The following NAA16 variants were observed in gnomAD, a reference collection of about 807,000 sequenced individuals.
The protein encoded by NAA16 is N-alpha-acetyltransferase 16, NatA auxiliary subunit.
A neutral mutation model predicts 110.3 loss-of-function variants in NAA16; 97 were observed. The ratio of observed to expected loss-of-function variants is 0.88; its 90% CI spans 0.75 to 1.04. The LOEUF is 1.04. Among genes scored for constraint, NAA16 ranks in the 50% least tolerant of loss-of-function variants. The pLI is 0.00. For missense variants in NAA16, 1,017 were observed against 1,005.1 expected (o/e 1.01, Z -0.16); for synonymous variants, 372 against 330.6 (o/e 1.13, Z -1.36).
chr13:41,360,819 T>TA (rs1438895354), intron 12 of NAA16, among the ~76,000 whole-genome samples: 2 of 152,228 alleles, frequency 1.3e-5, no homozygotes, highest in Non-Finnish European at 2.9e-5. Context: ...AAGTTGCTGA[T>TA]ACATGTTGGA....
chr13:41,372,530 C>T, intron 16 of NAA16: 2 of 985,060 alleles, frequency 2.0e-6, no homozygotes, highest in Non-Finnish European at 2.4e-6. Context: ...AAATTGTCTA[C>T]CTGAAGCAAT....
chr13:41,340,227 T>C (rs2042499256), intron 9 of NAA16, among the ~76,000 whole-genome samples: 1 of 152,216 alleles, frequency 6.6e-6, no homozygotes, highest in African/African-American at 2.4e-5. Flanking sequence ...ATTGCCAGTC[T>C]TTGAGTGAGG....
rs2043391238 is a variant in NAA16 at position 41,374,572 on chromosome 13, A to G, written c.2300-170A>G. On this transcript the variant is annotated intron_variant, in intron 18 of 19. Transcript: ENST00000379406. ...GCCTATCAATGGGATGCTACTGAAT[A>G]GGAGGTAGGGAAGAAATGTCACACT... The G allele has an allele frequency of 2.3e-5, 12 of 528,434 alleles. No individual in the cohort carries two copies. The East Asian group carries it at 3.7e-4, about 16-fold the overall frequency. 32.7% of individuals were successfully genotyped at this position (528,434 alleles called of 1,614,324 possible). A position where few individuals can be genotyped will look rare whatever the true frequency, so the allele number is the denominator to read the frequency against.
At chr13:41,336,792 T>G (rs1365777157) in intron 9 of NAA16, 36 bp downstream of exon 9, 1 of 1,207,248 alleles carries the variant, frequency 8.3e-7, no homozygotes, top group East Asian at 2.4e-5. Flanking sequence ...TGCTATAGTC[T>G]TTTTTACTAA....
intron 13 of NAA16, among the ~76,000 whole-genome samples, chr13:41,364,583 A>AT (rs1329242618): frequency 2.6e-5 from 4 of 151,898 alleles, no homozygotes; most frequent in Non-Finnish European, 4.4e-5. Context: ...CTTTCTTTCC[A>AT]TTTTTTTCTT....
chr13:41,316,467 C>G (rs1024546186), intron 1 of NAA16, among the ~76,000 whole-genome samples: 1 of 151,950 alleles, frequency 6.6e-6, no homozygotes, highest in African/African-American at 2.4e-5. Context: ...CCACCACACC[C>G]AGCTAATTTT....
Position 41,325,857 on chromosome 13 carries a change from T to A in NAA16, c.691+6T>A, listed in dbSNP as rs1462028032. ...TTTGGTGGAAGAAATTAAAGGTAAGTTGGCTTGCCTTTTTTTAATAGCCTC... is the reference window on the plus strand; with the variant it reads ...TTTGGTGGAAGAAATTAAAGGTAAGATGGCTTGCCTTTTTTTAATAGCCTC... On this transcript the variant is annotated splice_donor_region_variant and intron_variant, in intron 6 of 19. Transcript: ENST00000379406. The A allele has an allele frequency of 6.3e-7, 1 of 1,591,674 alleles. No individual in the cohort carries two copies. The highest frequency in any genetic ancestry group is 1.4e-5 in the African/African-American group (1 of 73,670).
intron 9 of NAA16, 39 bp downstream of exon 9, chr13:41,336,795 T>C: frequency 8.6e-7 from 1 of 1,164,206 alleles, no homozygotes; most frequent in Non-Finnish European, 1.3e-6. Context: ...TATAGTCTTT[T>C]TTACTAAACT....
At chr13:41,366,144 C>T (rs1223475869) in intron 13 of NAA16, among the ~76,000 whole-genome samples, 1 of 152,066 alleles carries the variant, frequency 6.6e-6, no homozygotes, top group Non-Finnish European at 1.5e-5. Flanking sequence ...ATGCAGTTTT[C>T]AATTACAACA....
chr13:41,367,548 G>C lies in NAA16; in HGVS notation c.1649G>C (p.Arg550Thr), dbSNP rs2043231035. Reference protein sequence around the residue: ...DLLRLEDILRRHAFYFKAARS... With the variant: ...DLLRLEDILRTHAFYFKAARS... ...TTGAGATTAGAAGATATACTCAGAA[G>C]ACATGCCTTTTATTTCAAGGCTGCT... Residue 550 changes from arginine (R) to threonine (T), a missense_variant, in exon 14 of 20, where the codon AGA becomes ACA. Arg to Thr is a moderately conservative substitution (Grantham distance 71). Transcript: ENST00000379406. 1.2e-6 allele frequency: 2 copies of C among 1,613,204 alleles called. No homozygotes were observed. The highest frequency in any genetic ancestry group is 1.7e-6 in the Non-Finnish European group (2 of 1,179,510).
rs1372106412 is a variant in NAA16 at position 41,330,906 on chromosome 13, G to A, written c.812-368G>A. On this transcript the variant is annotated intron_variant, in intron 7 of 19. Transcript: ENST00000379406. Reference sequence around the variant, plus strand: ...GGTTTCTTTGATTCAGCGTGTTTACGTAGGTTATGTTATTAGACCTACGTT... The same window carrying A: ...GGTTTCTTTGATTCAGCGTGTTTACATAGGTTATGTTATTAGACCTACGTT... 4.6e-5 allele frequency among the ~76,000 whole-genome samples: 7 copies of A among 151,942 alleles called. No individual in the cohort carries two copies. The East Asian group carries it at 9.6e-4, about 21-fold the overall frequency.
chr13:41,344,661 A>G (rs1234619401), intron 9 of NAA16, among the ~76,000 whole-genome samples: 1 of 152,222 alleles, frequency 6.6e-6, no homozygotes, highest in African/African-American at 2.4e-5. Context: ...GCATTGTAGG[A>G]TGTTTAGCAA....
intron 9 of NAA16, among the ~76,000 whole-genome samples, chr13:41,342,345 C>T (rs2042574256): frequency 6.6e-6 from 1 of 152,096 alleles, no homozygotes; most frequent in South Asian, 2.1e-4. Flanking sequence ...CTCGTGTTGC[C>T]CAGGCTGGTC....
Position 41,358,856 on chromosome 13 carries a change from AG to A in NAA16, c.1305del (p.Gln435HisfsTer23). 1 of 1,611,134 alleles carries A rather than the reference AG, an allele frequency of 6.2e-7. No homozygotes were observed. On this transcript the variant is annotated frameshift_variant, in exon 12 of 20. Transcript: ENST00000379406. LOFTEE classifies it high-confidence loss of function. ...KEAAKWMDEA[Q>X]SLDTADRFIN... ...GCTGCAAAGTGGATGGATGAAGCAC[AG>A]TCTTTGGACACAGCTGATAGATTCA...
intron 16 of NAA16, 58 bp downstream of exon 16, chr13:41,372,369 G>C: frequency 6.0e-6 from 9 of 1,500,100 alleles, no homozygotes; most frequent in Non-Finnish European, 8.0e-6. Flanking sequence ...ACCATATTCA[G>C]TGTAATCTTT....
At chr13:41,319,215 T>G (rs1284201707) in intron 3 of NAA16, among the ~76,000 whole-genome samples, 1 of 152,180 alleles carries the variant, frequency 6.6e-6, no homozygotes, top group Non-Finnish European at 1.5e-5. Flanking sequence ...AAAAGTTACT[T>G]TGGTAATTGT....
At chr13:41,328,358 TTGTAG>T (rs1028767017) in intron 6 of NAA16, among the ~76,000 whole-genome samples, 2 of 152,132 alleles carry the variant, frequency 1.3e-5, no homozygotes, top group Admixed American at 1.3e-4. Flanking sequence ...TATTTAAATC[TTGTAG>T]TAGGAAGATA....
At chr13:41,360,823 T>C (rs1310133660) in intron 12 of NAA16, among the ~76,000 whole-genome samples, 1 of 152,242 alleles carries the variant, frequency 6.6e-6, no homozygotes, top group African/African-American at 2.4e-5. Flanking sequence ...TGCTGATACA[T>C]GTTGGATAGT....
chr13:41,339,640 C>T (rs1593460325), intron 9 of NAA16, among the ~76,000 whole-genome samples: 3 of 152,112 alleles, frequency 2.0e-5, no homozygotes, highest in Admixed American at 6.5e-5. Flanking sequence ...TCACTGCAAC[C>T]TCCGCCTTCC....
Sources: allele counts gnomAD v4.1 joint callset (sites outside exome capture counted in the v4.1 genomes callset), GRCh38; gene constraint gnomAD v4.1.1; transcripts MANE v1.5; gene names NCBI Gene and HGNC (gene_info 2026-07-23, HGNC 2026-07-21).